The following MSI2 variants were observed in gnomAD, a reference collection of about 807,000 sequenced individuals.
The protein encoded by MSI2 is RNA-binding protein Musashi homolog 2.
Under a neutral mutation model 45.6 loss-of-function variants are expected in MSI2, and 17 were observed. The ratio of observed to expected loss-of-function variants is 0.37; its 90% confidence interval spans 0.26 to 0.56. The LOEUF is 0.56. MSI2 is among the 20% of genes least tolerant of loss of function. The pLI is 0.77. For synonymous variants in MSI2, 156 were observed against 158.2 expected (o/e 0.99, Z 0.11); for missense variants, 293 against 444.2 (o/e 0.66, Z 3.06).
At chr17:57,487,837 A>C (rs1356767718) in intron 6 of MSI2, among the ~76,000 whole-genome samples, 1 of 151,382 alleles carries the variant, frequency 6.6e-6, no homozygotes, top group Non-Finnish European at 1.5e-5. Context: ...CACGCATGCC[A>C]GCTCCCTCCC....
chr17:57,648,282 G>A (rs574655600), intron 10 of MSI2, among the ~76,000 whole-genome samples: 2 of 152,162 alleles, frequency 1.3e-5, no homozygotes, highest in East Asian at 3.9e-4. Flanking sequence ...GGGGTTACAG[G>A]CATGAGCCAC....
intron 5 of MSI2, among the ~76,000 whole-genome samples, chr17:57,363,904 T>C (rs896608596): frequency 2.0e-5 from 3 of 152,198 alleles, no homozygotes; most frequent in African/African-American, 7.2e-5. Flanking sequence ...TAGATGTCCT[T>C]TGAAAATATA....
chr17:57,570,429 A>C (rs74662298), intron 7 of MSI2, among the ~76,000 whole-genome samples: 188 of 152,296 alleles, frequency 1.2e-3, no homozygotes, highest in African/African-American at 4.1e-3. Context: ...GGTGGGTTGA[A>C]ATCTGTGCCT....
intron 8 of MSI2, among the ~76,000 whole-genome samples, chr17:57,606,839 A>G (rs1278932408): frequency 6.7e-6 from 1 of 150,184 alleles, no homozygotes; most frequent in Non-Finnish European, 1.5e-5. Context: ...CTAGACGCAG[A>G]TAGGCCTTGA....
At chr17:57,289,162 G>T (rs977930648) in intron 5 of MSI2, among the ~76,000 whole-genome samples, 1 of 152,182 alleles carries the variant, frequency 6.6e-6, no homozygotes, top group South Asian at 2.1e-4. Context: ...CCAGCCTCCC[G>T]CAGGTGGCTA....
At chr17:57,598,040 C>A (rs1387432124) in intron 8 of MSI2, among the ~76,000 whole-genome samples, 1 of 151,764 alleles carries the variant, frequency 6.6e-6, no homozygotes, top group Admixed American at 6.6e-5. Context: ...AGCATTTGCA[C>A]ACTCACAAAC....
In MSI2 at chr17:57,396,870, G is replaced by A. The variant is rs148663335; in HGVS notation, c.313-4509G>A. 6.7e-3 allele frequency among the ~76,000 whole-genome samples: 1,014 copies of A among 152,314 alleles called. 4 individuals are homozygous for A. Among genetic ancestry groups the A allele is most frequent in the Non-Finnish European group, 9.6e-3 (650 of 68,030 alleles). ...TGACACCTTAAACCATAAAAGGAGG[G>A]GCGCCTGCTGGGAGAGGGGGCTGTC... On this transcript the variant is annotated intron_variant, in intron 5 of 13. Transcript: ENST00000284073.
chr17:57,356,571 C>G (rs573101781), intron 5 of MSI2, among the ~76,000 whole-genome samples: 1 of 152,238 alleles, frequency 6.6e-6, no homozygotes, highest in East Asian at 1.9e-4. Context: ...TCTGTAATGC[C>G]TTGGTTCCTA....
At chr17:57,312,871 A>AGAGTCTC (rs1912513896) in intron 5 of MSI2, among the ~76,000 whole-genome samples, 1 of 152,142 alleles carries the variant, frequency 6.6e-6, no homozygotes, top group Non-Finnish European at 1.5e-5. Flanking sequence ...TTTTTGGGAC[A>AGAGTCTC]GAGTCTCGCT....
At chr17:57,396,716 T>C (rs1244495662) in intron 5 of MSI2, among the ~76,000 whole-genome samples, 1 of 152,128 alleles carries the variant, frequency 6.6e-6, no homozygotes, top group East Asian at 1.9e-4. Context: ...TTAGTTAAAT[T>C]ACAGGTCTAG....
chr17:57,295,124 G>T (rs1035166424), intron 5 of MSI2, among the ~76,000 whole-genome samples: 7 of 152,214 alleles, frequency 4.6e-5, no homozygotes, highest in Admixed American at 3.3e-4. Flanking sequence ...CCACCCTCCA[G>T]TGCAAACTGG....
At chr17:57,465,063 T>C (rs1288127185) in intron 6 of MSI2, among the ~76,000 whole-genome samples, 6 of 152,220 alleles carry the variant, frequency 3.9e-5, no homozygotes, top group Non-Finnish European at 8.8e-5. Context: ...AACAATTTTT[T>C]TTGATGGAAC....
intron 12 of MSI2, 52 bp from the exon 13 acceptor site, chr17:57,676,935 A>G (rs753914716): frequency 1.0e-4 from 115 of 1,140,340 alleles, no homozygotes; most frequent in Admixed American, 1.3e-4. Context: ...GAATATGACA[A>G]TCTGTTCCCA....
chr17:57,486,816 A>G (rs534025064), intron 6 of MSI2, among the ~76,000 whole-genome samples: 19 of 152,266 alleles, frequency 1.2e-4, no homozygotes, highest in African/African-American at 4.3e-4. Context: ...GTATTGCCAG[A>G]CTCACGGAGA....
intron 5 of MSI2, among the ~76,000 whole-genome samples, chr17:57,341,816 T>C (rs1915188119): frequency 6.6e-6 from 1 of 152,204 alleles, no homozygotes; most frequent in Non-Finnish European, 1.5e-5. Context: ...CACAGAGTAC[T>C]TGGAATTGAA....
chr17:57,580,129 G>C (rs1300460133), intron 7 of MSI2, among the ~76,000 whole-genome samples: 2 of 151,638 alleles, frequency 1.3e-5, no homozygotes, highest in African/African-American at 4.8e-5. Flanking sequence ...CTTGGGCCTA[G>C]CAGGGGCTGA....
intron 5 of MSI2, among the ~76,000 whole-genome samples, chr17:57,302,384 A>G (rs758683445): frequency 2.6e-5 from 4 of 152,230 alleles, no homozygotes; most frequent in Non-Finnish European, 4.4e-5. Context: ...AGCTGGGATA[A>G]CAGGTGTGTG....
intron 8 of MSI2, among the ~76,000 whole-genome samples, chr17:57,603,965 C>T (rs988351741): frequency 6.6e-6 from 1 of 152,244 alleles, no homozygotes; most frequent in Non-Finnish European, 1.5e-5. Context: ...AACAGGCACA[C>T]GAGTTTGGGG....
intron 7 of MSI2, among the ~76,000 whole-genome samples, chr17:57,570,252 A>T (rs925161185): frequency 2.6e-5 from 4 of 152,150 alleles, no homozygotes; most frequent in African/African-American, 9.7e-5. Flanking sequence ...GACCAAGTAA[A>T]TCAGAGGCTC....
Sources: allele counts gnomAD v4.1 joint callset (sites outside exome capture counted in the v4.1 genomes callset), GRCh38; gene constraint gnomAD v4.1.1; transcripts MANE v1.5; gene names NCBI Gene and HGNC (gene_info 2026-07-23, HGNC 2026-07-21).